DSE: variants seen among roughly 807,000 people sequenced by gnomAD.
DSE encodes the protein dermatan sulfate epimerase.
Under a neutral mutation model 84.4 loss-of-function variants are expected in DSE, and 36 were observed. The ratio of observed to expected loss-of-function variants is 0.43; its 90% confidence interval spans 0.33 to 0.56. The LOEUF is 0.56. Among genes scored for constraint, DSE ranks in the 20% least tolerant of loss-of-function variants. The pLI is 0.06. For missense variants in DSE, 862 were observed against 1,169.6 expected, an observed-to-expected ratio of 0.74 and a Z score of 3.84; for synonymous variants, 410 against 430.1, an observed-to-expected ratio of 0.95 and a Z score of 0.58.
At chr6:116,338,951 CAG>C (rs1354360666) in intron 2 of DSE, among the ~76,000 whole-genome samples, 1 of 152,200 alleles carries the variant, frequency 6.6e-6, no homozygotes, top group Admixed American at 6.5e-5. Context: ...AATAGCCAAA[CAG>C]TGTCCCAGAA....
rs1583057041 is a variant in DSE at position 116,344,776 on chromosome 6, AT to A, written c.-53-54420del. On this transcript the variant is annotated intron_variant, in intron 2 of 3. Transcript: ENST00000430252. ...CAGGATCAAATTCACACATAACAATATTGACCTTAAATGTAAATGGGCTAAA... is the reference window on the plus strand; with the variant it reads ...CAGGATCAAATTCACACATAACAATATGACCTTAAATGTAAATGGGCTAAA... Among the ~76,000 whole-genome samples the A allele has an allele frequency of 2.0e-5, 3 of 152,356 alleles. No individual in the cohort carries two copies. The East Asian group carries it at 5.8e-4, about 29-fold the overall frequency.
intron 2 of DSE, among the ~76,000 whole-genome samples, chr6:116,302,043 C>T (rs1775073039): frequency 6.6e-6 from 1 of 152,112 alleles, no homozygotes; most frequent in Non-Finnish European, 1.5e-5. Context: ...CATTGATGGG[C>T]ATTTGAGTTG....
chr6:116,368,593 T>C (rs549054093), upstream of DSE, among the ~76,000 whole-genome samples: 27 of 152,350 alleles, frequency 1.8e-4, no homozygotes, highest in Admixed American at 1.2e-3. Flanking sequence ...ATTTGGTAGA[T>C]TGTAATATGG....
At chr6:116,385,557 T>C (rs1780529189) in intron 1 of DSE, among the ~76,000 whole-genome samples, 1 of 152,138 alleles carries the variant, frequency 6.6e-6, no homozygotes, top group Non-Finnish European at 1.5e-5. Flanking sequence ...GTCCAATTAC[T>C]GGCAGGATTA....
intron 2 of DSE, chr6:116,259,199 G>A: frequency 1.6e-6 from 1 of 644,108 alleles, no homozygotes; most frequent in Non-Finnish European, 2.7e-6. Context: ...AAACTTACTT[G>A]TAATTTAAAG....
At chr6:116,407,710 G>A (rs1032883232) in intron 2 of DSE, among the ~76,000 whole-genome samples, 1 of 152,116 alleles carries the variant, frequency 6.6e-6, no homozygotes. Flanking sequence ...TTTGCTATTG[G>A]TGATTCTGTC....
intron 2 of DSE, among the ~76,000 whole-genome samples, chr6:116,323,959 C>G (rs1289498389): frequency 6.6e-6 from 1 of 151,756 alleles, no homozygotes; most frequent in African/African-American, 2.4e-5. Context: ...CTCTTTTTTT[C>G]TGGGCCCCCT....
chr6:116,414,329 A>G (rs1782563659), intron 2 of DSE, among the ~76,000 whole-genome samples: 1 of 152,144 alleles, frequency 6.6e-6, no homozygotes, highest in Non-Finnish European at 1.5e-5. Context: ...TCTCACTCTG[A>G]CACAGATAAG....
intron 1 of DSE, among the ~76,000 whole-genome samples, chr6:116,379,979 A>G (rs1780129247): frequency 6.6e-6 from 1 of 152,128 alleles, no homozygotes; most frequent in South Asian, 2.1e-4. Flanking sequence ...TAGGGTGGTT[A>G]TATTACAGAT....
At chr6:116,389,020 T>A (rs1315310343) in intron 1 of DSE, among the ~76,000 whole-genome samples, 1 of 152,180 alleles carries the variant, frequency 6.6e-6, no homozygotes, top group Non-Finnish European at 1.5e-5. Context: ...TTGTACATAT[T>A]TTAAAAATAG....
At chr6:116,308,391 A>C (rs1382778638) in intron 2 of DSE, among the ~76,000 whole-genome samples, 2 of 152,146 alleles carry the variant, frequency 1.3e-5, no homozygotes, top group African/African-American at 4.8e-5. Flanking sequence ...GACCTTGTTT[A>C]CTCTTAGATA....
intron 2 of DSE, among the ~76,000 whole-genome samples, chr6:116,409,561 G>A (rs1782178076): frequency 6.6e-6 from 1 of 152,208 alleles, no homozygotes; most frequent in Non-Finnish European, 1.5e-5. Context: ...TTACAGGCGT[G>A]AGCCAACACG....
At chr6:116,305,777 A>G (rs572735106) in intron 2 of DSE, among the ~76,000 whole-genome samples, 1 of 152,226 alleles carries the variant, frequency 6.6e-6, no homozygotes, top group Admixed American at 6.5e-5. Context: ...AGCTGGGATT[A>G]CAGTGTAGCA....
Position 116,285,802 on chromosome 6 carries a change from C to G in DSE, c.-54+26835C>G, listed in dbSNP as rs1474571960. On this transcript the variant is annotated intron_variant, in intron 2 of 3. Coordinates refer to the DSE transcript ENST00000430252. ...AATCCTTTTCCCATTTCTTGTTTTT[C>G]TCAGCTTTGTCAAAGATCAGATGGT... Among the ~76,000 whole-genome samples the G allele has an allele frequency of 2.0e-4, 30 of 152,096 alleles. 1 individual carries two copies. The highest frequency in any genetic ancestry group is 2.9e-5 in the Non-Finnish European group (2 of 67,980).
intron 2 of DSE, among the ~76,000 whole-genome samples, chr6:116,301,172 GGA>G (rs375062902): frequency 3.3e-5 from 5 of 149,722 alleles, no homozygotes; most frequent in Admixed American, 6.6e-5. Context: ...AGGGAGGGAG[GGA>G]GAGAGAGAGA....
intron 2 of DSE, among the ~76,000 whole-genome samples, chr6:116,356,750 A>G (rs1778593763): frequency 6.6e-6 from 1 of 152,134 alleles, no homozygotes; most frequent in Non-Finnish European, 1.5e-5. Flanking sequence ...CTGGATTTCC[A>G]TCCAATGCTA....
intron 1 of DSE, among the ~76,000 whole-genome samples, chr6:116,393,702 C>T (rs776177556): frequency 3.3e-5 from 5 of 152,192 alleles, no homozygotes; most frequent in Non-Finnish European, 7.3e-5. Context: ...ATGCCCCATA[C>T]TGTTAATCAT....
intron 2 of DSE, among the ~76,000 whole-genome samples, chr6:116,416,377 G>GTA (rs1419384805): frequency 2.0e-5 from 3 of 151,646 alleles, no homozygotes; most frequent in African/African-American, 7.3e-5. Flanking sequence ...GTGTGTGTGT[G>GTA]TGTGTGTGTG....
chr6:116,309,413 C>T (rs1775536209), intron 2 of DSE, among the ~76,000 whole-genome samples: 1 of 152,042 alleles, frequency 6.6e-6, no homozygotes, highest in African/African-American at 2.4e-5. Flanking sequence ...ATTATTGCTC[C>T]TTTATATGTT....
Sources: allele counts gnomAD v4.1 joint callset (sites outside exome capture counted in the v4.1 genomes callset), GRCh38; gene constraint gnomAD v4.1.1; transcripts MANE v1.5; gene names NCBI Gene and HGNC (gene_info 2026-07-23, HGNC 2026-07-21).